The following TMEM132C variants were observed in gnomAD, a reference collection of about 807,000 sequenced individuals.
The protein encoded by TMEM132C is transmembrane protein 132C, also known as protein phosphatase 1, regulatory subunit 152.
Under a neutral mutation model 61.4 loss-of-function variants are expected in TMEM132C, and 29 were observed. That is an observed-to-expected ratio of 0.47 (90% CI 0.35 to 0.64). The LOEUF is 0.64. TMEM132C is among the 30% of genes least tolerant of loss of function. The pLI, the probability that TMEM132C is intolerant of heterozygous loss-of-function variation, is 0.00. For missense variants in TMEM132C, 1,408 were observed against 1,476.9 expected, an observed-to-expected ratio of 0.95 and a Z score of 0.76; for synonymous variants, 656 against 633.1, an observed-to-expected ratio of 1.04 and a Z score of -0.54.
chr12:128,479,593 GCCGCGGCTGC>G (rs1471349003), intron 2 of TMEM132C, among the ~76,000 whole-genome samples: 1 of 152,124 alleles, frequency 6.6e-6, no homozygotes, highest in Non-Finnish European at 1.5e-5. Context: ...TTATATTTTG[GCCGCGGCTGC>G]CTTCACACTC....
intron 4 of TMEM132C, among the ~76,000 whole-genome samples, chr12:128,658,610 C>T (rs932393995): frequency 2.6e-5 from 4 of 152,136 alleles, no homozygotes; most frequent in African/African-American, 7.2e-5. Flanking sequence ...TTAGGGGCCT[C>T]TTGCTATTCA....
At chr12:128,561,040 A>C (rs148526973) in intron 3 of TMEM132C, among the ~76,000 whole-genome samples, 192 of 152,362 alleles carry the variant, frequency 1.3e-3, no homozygotes, top group Non-Finnish European at 1.9e-3. Flanking sequence ...AATGCAAGCA[A>C]AAACCAAAGC....
chr12:128,628,169 A>C (rs1417965876), intron 4 of TMEM132C, among the ~76,000 whole-genome samples: 5 of 152,054 alleles, frequency 3.3e-5, no homozygotes, highest in Non-Finnish European at 7.4e-5. Flanking sequence ...CTGCCTCTGG[A>C]CTGGTCTCCC....
intron 3 of TMEM132C, among the ~76,000 whole-genome samples, chr12:128,548,650 T>C (rs79384269): frequency 0.026 from 3,964 of 152,240 alleles, 208 homozygotes; most frequent in African/African-American, 0.091. Context: ...GACAAATTTG[T>C]CACAATCATG....
At chr12:128,679,633 G>A (rs12579525) in intron 5 of TMEM132C, among the ~76,000 whole-genome samples, 2,889 of 152,294 alleles carry the variant, frequency 0.019, 79 homozygotes, top group South Asian at 0.12. Context: ...AGTCTTTACA[G>A]TCATAATCCT....
At chr12:128,579,794 C>G (rs1875260197) in intron 3 of TMEM132C, among the ~76,000 whole-genome samples, 1 of 152,128 alleles carries the variant, frequency 6.6e-6, no homozygotes, top group Non-Finnish European at 1.5e-5. Flanking sequence ...GAGAGATGGG[C>G]TGATTGATAC....
chr12:128,679,694 C>T (rs1193713675), intron 5 of TMEM132C, among the ~76,000 whole-genome samples: 4 of 152,182 alleles, frequency 2.6e-5, no homozygotes, highest in African/African-American at 9.7e-5. Flanking sequence ...TTATTGAGCA[C>T]GTACTATGCT....
rs1010883696 is a variant in TMEM132C, at chr12:128,486,735, C to T, written c.975-57222C>T. On this transcript the variant is annotated intron_variant, in intron 2 of 8. Transcript: ENST00000435159. The stretch of plus-strand genomic sequence containing the variant: ...ATAGCCTCTCAGCGCTTGGGCAGTC[C>T]GGGGAAGTTCTGGTGACCATTATAT... Among the ~76,000 whole-genome samples, 8 of 152,056 alleles carry T rather than the reference C, an allele frequency of 5.3e-5. No individual in the cohort carries two copies. The South Asian group carries it at 6.2e-4, about 12-fold the overall frequency.
intron 2 of TMEM132C, among the ~76,000 whole-genome samples, chr12:128,450,060 T>C (rs1215696682): frequency 6.6e-6 from 1 of 152,210 alleles, no homozygotes; most frequent in Non-Finnish European, 1.5e-5. Context: ...AGGAAGGCAC[T>C]GTGCTTTCTG....
At chr12:128,593,158 CCTTCCCTCTCTTTCTCTCT>C (rs1373121549) in intron 3 of TMEM132C, among the ~76,000 whole-genome samples, 1 of 150,652 alleles carries the variant, frequency 6.6e-6, no homozygotes, top group Non-Finnish European at 1.5e-5. Context: ...TCTCCTCTCT[CCTTCCCTCTCTTTCTCTCT>C]CTTCCCCTCT....
chr12:128,460,542 A>G (rs1489423023), intron 2 of TMEM132C, among the ~76,000 whole-genome samples: 1 of 152,114 alleles, frequency 6.6e-6, no homozygotes, highest in Non-Finnish European at 1.5e-5. Flanking sequence ...GAGCTACAGT[A>G]TGGGTCAGTC....
intron 2 of TMEM132C, among the ~76,000 whole-genome samples, chr12:128,501,789 A>G (rs1872190709): frequency 6.6e-6 from 1 of 152,226 alleles, no homozygotes; most frequent in African/African-American, 2.4e-5. Context: ...ATCCAGATGA[A>G]CTTTTTGTAA....
intron 3 of TMEM132C, among the ~76,000 whole-genome samples, chr12:128,577,415 G>A (rs1875152158): frequency 6.6e-6 from 1 of 152,230 alleles, no homozygotes; most frequent in East Asian, 1.9e-4. Flanking sequence ...CAGAGGTTCT[G>A]GCCATGGCCC....
At chr12:128,422,968 T>C (rs1869041457) in intron 2 of TMEM132C, among the ~76,000 whole-genome samples, 2 of 152,182 alleles carry the variant, frequency 1.3e-5, no homozygotes, top group Admixed American at 1.3e-4. Flanking sequence ...TGATGGTCCC[T>C]CAAACATAAC....
At chr12:128,700,601 G>A (rs1311076844) in intron 8 of TMEM132C, among the ~76,000 whole-genome samples, 2 of 152,174 alleles carry the variant, frequency 1.3e-5, no homozygotes, top group Non-Finnish European at 2.9e-5. Context: ...TAGAAGGCTG[G>A]CACCTTGTTC....
At chr12:128,582,706 T>G in intron 3 of TMEM132C, among the ~76,000 whole-genome samples, 1 of 152,332 alleles carries the variant, frequency 6.6e-6, no homozygotes, top group South Asian at 2.1e-4. Context: ...ACTCCCATCA[T>G]GATTCCGAGG....
intron 1 of TMEM132C, among the ~76,000 whole-genome samples, chr12:128,336,204 T>A (rs1872787741): frequency 6.6e-6 from 1 of 151,946 alleles, no homozygotes; most frequent in Non-Finnish European, 1.5e-5. Context: ...GAATTCTTCT[T>A]GAGTTTGTTC....
At chr12:128,564,457 G>A (rs1394353297) in intron 3 of TMEM132C, among the ~76,000 whole-genome samples, 3 of 152,148 alleles carry the variant, frequency 2.0e-5, no homozygotes, top group African/African-American at 4.8e-5. Flanking sequence ...CCTGGGGAGC[G>A]TCAAGGCCAG....
chr12:128,454,602 C>T (rs769481466), intron 2 of TMEM132C, among the ~76,000 whole-genome samples: 6 of 152,238 alleles, frequency 3.9e-5, no homozygotes, highest in Admixed American at 2.0e-4. Flanking sequence ...AGGTGTTCGC[C>T]GGGGCTGAAG....
Sources: allele counts gnomAD v4.1 joint callset (sites outside exome capture counted in the v4.1 genomes callset), GRCh38; gene constraint gnomAD v4.1.1; transcripts MANE v1.5; gene names NCBI Gene and HGNC (gene_info 2026-07-23, HGNC 2026-07-21).